Variants in NAV3 observed in about 807,000 individuals in gnomAD.
NAV3 encodes the protein pore membrane and/or filament interacting like protein 1.
A neutral mutation model predicts 244.7 loss-of-function variants in NAV3; 87 were observed. The ratio of observed to expected loss-of-function variants is 0.36; its 90% CI spans 0.30 to 0.42. The LOEUF (loss-of-function observed/expected upper bound fraction) is 0.42, where lower values mean the gene tolerates loss of function less well. Among genes scored for constraint, NAV3 ranks in the 20% least tolerant of loss-of-function variants. The pLI is 1.00. For synonymous variants in NAV3, 1,126 were observed against 1,042.2 expected (o/e 1.08, Z -1.55); for missense variants, 2,663 against 2,893.3 (o/e 0.92, Z 1.83).
intron 3 of NAV3, among the ~76,000 whole-genome samples, chr12:77,943,644 TA>T (rs1890075101): frequency 6.6e-6 from 1 of 152,226 alleles, no homozygotes; most frequent in African/African-American, 2.4e-5. Flanking sequence ...TTCATGTATC[TA>T]CTCCAAACAG....
intron 2 of NAV3, among the ~76,000 whole-genome samples, chr12:77,805,261 G>A (rs1196601693): frequency 6.6e-6 from 1 of 152,166 alleles, no homozygotes; most frequent in Non-Finnish European, 1.5e-5. Flanking sequence ...CAAAGGAAAT[G>A]CTTCCAGCTT....
At chr12:78,150,633 A>C (rs954846354) in intron 22 of NAV3, among the ~76,000 whole-genome samples, 31 of 54,258 alleles carry the variant, frequency 5.7e-4, no homozygotes, top group African/African-American at 2.1e-3. Context: ...AAGCTTCCTC[A>C]CACACACACA....
chr12:78,125,574 G>A (rs947200077), intron 16 of NAV3, among the ~76,000 whole-genome samples: 3 of 152,078 alleles, frequency 2.0e-5, no homozygotes, highest in East Asian at 3.9e-4. Flanking sequence ...ATCTGGCAAC[G>A]CTGCCTTGAC....
chr12:77,766,620 C>T (rs1869765859), intron 2 of NAV3, among the ~76,000 whole-genome samples: 1 of 151,918 alleles, frequency 6.6e-6, no homozygotes, highest in African/African-American at 2.4e-5. Flanking sequence ...TGACAAGTCA[C>T]TTAAATTCTC....
At chr12:77,754,021 G>T (rs1383969503) in intron 2 of NAV3, among the ~76,000 whole-genome samples, 2 of 152,114 alleles carry the variant, frequency 1.3e-5, no homozygotes, top group African/African-American at 4.8e-5. Flanking sequence ...GGCTAGGTAT[G>T]CCCAAGTTTG....
chr12:77,942,355 C>A (rs142323173), intron 3 of NAV3, among the ~76,000 whole-genome samples: 345 of 151,174 alleles, frequency 2.3e-3, no homozygotes, highest in African/African-American at 7.6e-3. Context: ...CTGGGCAATA[C>A]GAGCAAAACT....
intron 2 of NAV3, among the ~76,000 whole-genome samples, chr12:77,668,779 G>A (rs1294283643): frequency 6.6e-6 from 1 of 152,136 alleles, no homozygotes; most frequent in African/African-American, 2.4e-5. Flanking sequence ...TAGATGTCCA[G>A]TACAAGAAGC....
At chr12:77,737,446 T>G (rs989538092) in intron 2 of NAV3, among the ~76,000 whole-genome samples, 1 of 152,038 alleles carries the variant, frequency 6.6e-6, no homozygotes, top group Admixed American at 6.5e-5. Context: ...AACAAGCTCC[T>G]AGGTGCTGCT....
At chr12:77,623,233 G>A (rs1871463148) in intron 2 of NAV3, among the ~76,000 whole-genome samples, 2 of 152,050 alleles carry the variant, frequency 1.3e-5, no homozygotes, top group Admixed American at 1.3e-4. Context: ...ATTAAAATTA[G>A]ATAAGATCAA....
chr12:77,957,506 A>G (rs1041888601), intron 3 of NAV3, among the ~76,000 whole-genome samples: 1 of 152,228 alleles, frequency 6.6e-6, no homozygotes, highest in African/African-American at 2.4e-5. Flanking sequence ...GATTCTTCCA[A>G]TTACATGTCC....
At chr12:78,117,158 C>CATATAT (rs377148138) in intron 13 of NAV3, among the ~76,000 whole-genome samples, 2,102 of 69,854 alleles carry the variant, frequency 0.03, 43 homozygotes, top group South Asian at 0.057. Flanking sequence ...ACAGAAGCAG[C>CATATAT]ATATATATAT....
intron 22 of NAV3, among the ~76,000 whole-genome samples, chr12:78,152,777 G>A (rs1957126608): frequency 2.6e-5 from 4 of 151,844 alleles, no homozygotes; most frequent in Admixed American, 2.0e-4. Flanking sequence ...TATAATCAAG[G>A]ATTTTTTAAA....
chr12:77,939,600 A>G (rs1489345427), intron 1 of NAV3, among the ~76,000 whole-genome samples: 1 of 152,078 alleles, frequency 6.6e-6, no homozygotes, highest in East Asian at 1.9e-4. Flanking sequence ...ATTTTTGTGA[A>G]ATTTTTGTAG....
chr12:77,723,531 C>T (rs979582207), intron 2 of NAV3, among the ~76,000 whole-genome samples: 22 of 151,806 alleles, frequency 1.4e-4, no homozygotes, highest in Admixed American at 4.6e-4. Context: ...AGGATCTCTG[C>T]CCAGATACAA....
chr12:77,891,071 T>C (rs1883877804), intron 1 of NAV3, among the ~76,000 whole-genome samples: 1 of 152,020 alleles, frequency 6.6e-6, no homozygotes, highest in Non-Finnish European at 1.5e-5. Context: ...TAATTTAGCA[T>C]TCATGATGAA....
intron 1 of NAV3, among the ~76,000 whole-genome samples, chr12:77,928,012 G>A (rs1888386016): frequency 6.6e-6 from 1 of 151,892 alleles, no homozygotes; most frequent in Admixed American, 6.6e-5. Flanking sequence ...CCTGAAGTCT[G>A]GAGTTCGAGA....
chr12:77,766,821 T>G (rs1193180964), intron 2 of NAV3, among the ~76,000 whole-genome samples: 3 of 137,106 alleles, frequency 2.2e-5, no homozygotes, highest in Non-Finnish European at 3.0e-5. Context: ...TGGCGTGATC[T>G]CGGCTCACTG....
chr12:78,107,155 G>A lies in NAV3; in HGVS notation c.2637-9617G>A, dbSNP rs571747046. ...AACAATATCCTACATTCAACCAGAA[G>A]AAAGAATCTCAGAAGGTAAAGACAG... On this transcript the variant is annotated intron_variant, in intron 12 of 39. Transcript: ENST00000397909. Among the ~76,000 whole-genome samples, 17 of 152,262 alleles carry A rather than the reference G, an allele frequency of 1.1e-4. No homozygotes were observed. The South Asian group carries it at 3.3e-3, about 30-fold the overall frequency.
intron 3 of NAV3, among the ~76,000 whole-genome samples, chr12:77,958,023 C>T (rs1231381065): frequency 6.6e-6 from 1 of 152,148 alleles, no homozygotes; most frequent in African/African-American, 2.4e-5. Context: ...CGTGTTAACT[C>T]TCAGGTTTAA....
Sources: gnomAD v4.1 joint callset for allele counts (sites outside exome capture counted in the v4.1 genomes callset) on GRCh38, gnomAD v4.1.1 for gene constraint, MANE v1.5 for transcripts, NCBI Gene and HGNC (gene_info 2026-07-23, HGNC 2026-07-21) for gene names.